The following CSMD1 variants were observed in gnomAD, a reference collection of about 807,000 sequenced individuals.
CSMD1 encodes CUB and Sushi multiple domains 1, also known as CUB and sushi domain-containing protein 1.
Under a neutral mutation model 417.5 loss-of-function variants are expected in CSMD1, and 213 were observed. The observed-to-expected ratio is 0.51, with a 90% CI of 0.46 to 0.57. The LOEUF (loss-of-function observed/expected upper bound fraction) is 0.57, where lower values mean the gene tolerates loss of function less well. Among genes scored for constraint, CSMD1 ranks in the 20% least tolerant of loss-of-function variants. The probability of loss-of-function intolerance (pLI) is 0.00; values close to 1 mark genes in which losing one functional copy is unlikely to be tolerated. For synonymous variants in CSMD1, 2,862 were observed against 1,736.8 expected, an observed-to-expected ratio of 1.65 and a Z score of -16.11; for missense variants, 6,923 against 4,529.7, an observed-to-expected ratio of 1.53 and a Z score of -15.17.
chr8:3,004,115 G>A (rs1780311751), intron 52 of CSMD1, among the ~76,000 whole-genome samples: 2 of 152,100 alleles, frequency 1.3e-5, no homozygotes, highest in Non-Finnish European at 2.9e-5. Flanking sequence ...AACGTGGGGT[G>A]AGGGCAGCCC....
chr8:4,616,036 A>G (rs960881269), intron 2 of CSMD1, among the ~76,000 whole-genome samples: 2 of 152,170 alleles, frequency 1.3e-5, no homozygotes, highest in Admixed American at 1.3e-4. Context: ...CGGATGAAAT[A>G]AACTTAGTTC....
chr8:2,939,452 A>G (rs1025458111), intron 69 of CSMD1, among the ~76,000 whole-genome samples: 1 of 152,238 alleles, frequency 6.6e-6, no homozygotes, highest in Non-Finnish European at 1.5e-5. Flanking sequence ...TGGTTAAAAG[A>G]AAACCCCTAC....
chr8:3,561,119 C>G (rs1799450314), intron 10 of CSMD1, among the ~76,000 whole-genome samples: 1 of 152,172 alleles, frequency 6.6e-6, no homozygotes, highest in Non-Finnish European at 1.5e-5. Context: ...GTCAGCATGG[C>G]TATTATTAAA....
intron 2 of CSMD1, among the ~76,000 whole-genome samples, chr8:4,481,799 G>T (rs1801113773): frequency 6.6e-6 from 1 of 152,048 alleles, no homozygotes; most frequent in South Asian, 2.1e-4. Context: ...CACATAATGG[G>T]ATTAACTTGT....
intron 11 of CSMD1, among the ~76,000 whole-genome samples, chr8:3,471,955 C>G (rs943214671): frequency 3.9e-5 from 6 of 152,086 alleles, no homozygotes; most frequent in African/African-American, 1.4e-4. Context: ...TTTCCCTTCT[C>G]CCTTTGGGAT....
At chr8:4,441,095 G>GTTTTTTTTTTTTTTCTTT (rs1798445391) in intron 2 of CSMD1, among the ~76,000 whole-genome samples, 1 of 51,296 alleles carries the variant, frequency 1.9e-5, no homozygotes. Flanking sequence ...TAATCAAAAG[G>GTTTTTTTTTTTTTTCTTT]TTTTTTTTTT....
intron 1 of CSMD1, among the ~76,000 whole-genome samples, chr8:4,647,782 G>C (rs1585388106): frequency 6.6e-6 from 1 of 152,180 alleles, no homozygotes; most frequent in Non-Finnish European, 1.5e-5. Context: ...TCCATGGTGT[G>C]TATGTACTGG....
intron 3 of CSMD1, among the ~76,000 whole-genome samples, chr8:4,043,856 G>A (rs542341420): frequency 6.6e-5 from 10 of 152,232 alleles, no homozygotes; most frequent in African/African-American, 2.2e-4. Flanking sequence ...CAAAAATGAT[G>A]AGACACAGAG....
chr8:3,000,893 T>C (rs1164433839), intron 52 of CSMD1, among the ~76,000 whole-genome samples: 1 of 152,146 alleles, frequency 6.6e-6, no homozygotes, highest in African/African-American at 2.4e-5. Context: ...AGTAAAACAA[T>C]TGACAAACAT....
chr8:4,436,914 T>C (rs1164626674), intron 2 of CSMD1, among the ~76,000 whole-genome samples: 6 of 152,164 alleles, frequency 3.9e-5, no homozygotes, highest in Non-Finnish European at 7.4e-5. Flanking sequence ...TATCCATTCA[T>C]CTGTTGATGG....
chr8:3,083,673 T>A (rs1814313082), intron 49 of CSMD1, among the ~76,000 whole-genome samples: 1 of 99,622 alleles, frequency 1.0e-5, no homozygotes, highest in Non-Finnish European at 2.0e-5. Flanking sequence ...TTTTTTTTTT[T>A]TTTTTTTGGT....
intron 5 of CSMD1, among the ~76,000 whole-genome samples, chr8:3,976,970 G>A (rs1218425811): frequency 6.6e-6 from 1 of 152,160 alleles, no homozygotes; most frequent in Admixed American, 6.6e-5. Context: ...ACATGTCACA[G>A]AACACATAGG....
intron 5 of CSMD1, among the ~76,000 whole-genome samples, chr8:3,987,667 C>T (rs1030077813): frequency 6.6e-6 from 1 of 152,160 alleles, no homozygotes; most frequent in African/African-American, 2.4e-5. Context: ...AGACAGTTCC[C>T]AGACAGAGAA....
At chr8:4,006,126 C>G (rs1254106859) in intron 4 of CSMD1, among the ~76,000 whole-genome samples, 2 of 152,162 alleles carry the variant, frequency 1.3e-5, no homozygotes, top group African/African-American at 4.8e-5. Context: ...ACTTGATATT[C>G]ACATATCAAC....
intron 1 of CSMD1, among the ~76,000 whole-genome samples, chr8:4,921,076 AAAAGAAAGAAAGAAAAAGAAAAAAGAAG>A (rs1806464987): frequency 6.6e-6 from 1 of 151,124 alleles, no homozygotes. Context: ...AAGAGAAAGA[AAAAGAAAGAAAGAAAAAGAAAAAAGAAG>A]AAAGAAAGAA....
At chr8:3,740,622 G>T (rs1031940385) in intron 6 of CSMD1, among the ~76,000 whole-genome samples, 1 of 152,186 alleles carries the variant, frequency 6.6e-6, no homozygotes, top group Non-Finnish European at 1.5e-5. Context: ...GTGATTTGAT[G>T]CTGGTAAAGA....
intron 7 of CSMD1, among the ~76,000 whole-genome samples, chr8:3,684,253 A>T (rs1369195118): frequency 7.0e-6 from 1 of 143,718 alleles, no homozygotes; most frequent in South Asian, 2.1e-4. Context: ...TATATATTAT[A>T]TAAAATATAT....
chr8:3,745,916 G>C (rs1461193274), intron 6 of CSMD1, among the ~76,000 whole-genome samples: 1 of 152,288 alleles, frequency 6.6e-6, no homozygotes, highest in Admixed American at 6.5e-5. Flanking sequence ...CGCCAACCTG[G>C]TCACAGCAGC....
intron 3 of CSMD1, among the ~76,000 whole-genome samples, chr8:4,054,852 G>C (rs73500926): frequency 0.015 from 2,283 of 152,256 alleles, 54 homozygotes; most frequent in East Asian, 0.086. Context: ...ACTGTTTGGA[G>C]AGAATGTATT....
Sources: allele counts gnomAD v4.1 joint callset (sites outside exome capture counted in the v4.1 genomes callset), GRCh38; gene constraint gnomAD v4.1.1; transcripts MANE v1.5; gene names NCBI Gene and HGNC (gene_info 2026-07-23, HGNC 2026-07-21).